Variants in FAF1 observed in about 807,000 individuals in gnomAD.
The protein encoded by FAF1 is Fas associated factor 1, also known as FAS-associated factor 1.
Under a neutral mutation model 92.5 loss-of-function variants are expected in FAF1, and 25 were observed. The ratio of observed to expected loss-of-function variants is 0.27; its 90% CI spans 0.20 to 0.38. FAF1 has a LOEUF of 0.38. Ranked by LOEUF, FAF1 falls within the 10% of genes least tolerant of loss-of-function variation. FAF1 has a pLI of 1.00. For synonymous variants in FAF1, 234 were observed against 273.2 expected (o/e 0.86, Z 1.42); for missense variants, 636 against 793.3 (o/e 0.80, Z 2.38).
At chr1:50,779,999 C>G (rs1385409778) in intron 4 of FAF1, among the ~76,000 whole-genome samples, 1 of 150,300 alleles carries the variant, frequency 6.7e-6, no homozygotes, top group Admixed American at 6.6e-5. Flanking sequence ...CAGACACACA[C>G]ACACACACAC....
chr1:50,537,785 T>C (rs1648562205), intron 14 of FAF1, among the ~76,000 whole-genome samples: 5 of 152,168 alleles, frequency 3.3e-5, no homozygotes. Flanking sequence ...AGTTACAATA[T>C]ATTGTACTGG....
intron 18 of FAF1, among the ~76,000 whole-genome samples, chr1:50,448,650 G>A (rs936340496): frequency 2.6e-5 from 4 of 152,112 alleles, no homozygotes; most frequent in Non-Finnish European, 5.9e-5. Context: ...GGACTGAGTG[G>A]GCAAGTCTGT....
chr1:50,649,564 A>G (rs545447609), intron 8 of FAF1, among the ~76,000 whole-genome samples: 4 of 152,190 alleles, frequency 2.6e-5, no homozygotes, highest in Non-Finnish European at 5.9e-5. Flanking sequence ...ACGCCCAAAG[A>G]GCTTTGATTC....
intron 9 of FAF1, among the ~76,000 whole-genome samples, chr1:50,587,557 G>A (rs1006433731): frequency 9.9e-5 from 15 of 151,422 alleles, no homozygotes; most frequent in Non-Finnish European, 1.9e-4. Flanking sequence ...ATAATCTCTC[G>A]GTATCTGTCA....
chr1:50,750,877 C>G (rs1659835740), intron 4 of FAF1, among the ~76,000 whole-genome samples: 1 of 151,576 alleles, frequency 6.6e-6, no homozygotes, highest in Admixed American at 6.6e-5. Flanking sequence ...CCTGCCTTGG[C>G]CTCTCAAAAT....
intron 8 of FAF1, among the ~76,000 whole-genome samples, chr1:50,651,426 T>C (rs1172982660): frequency 2.6e-5 from 4 of 152,178 alleles, no homozygotes; most frequent in African/African-American, 4.8e-5. Context: ...CCCAAATCCA[T>C]TAATTTCTTG....
chr1:50,842,699 C>T (rs1166619545), intron 2 of FAF1, among the ~76,000 whole-genome samples: 2 of 152,070 alleles, frequency 1.3e-5, no homozygotes, highest in Non-Finnish European at 2.9e-5. Flanking sequence ...GCTGGCTCCT[C>T]GTTCTCACAT....
chr1:50,472,724 A>G (rs913463270), intron 18 of FAF1, among the ~76,000 whole-genome samples: 7 of 152,142 alleles, frequency 4.6e-5, no homozygotes, highest in Admixed American at 2.6e-4. Context: ...GTTAAGGCTT[A>G]TATTATTTGT....
Position 50,711,748 on chromosome 1 carries a change from A to G in FAF1, c.552-5857T>C, listed in dbSNP as rs536964005. ...CCAAAGTGCTGGGATTATAGGCATAAGCCACCACACCCGGCCTGTTCTTTT... is the reference window on the plus strand; with the variant it reads ...CCAAAGTGCTGGGATTATAGGCATAGGCCACCACACCCGGCCTGTTCTTTT... On this transcript the variant is annotated intron_variant, in intron 6 of 18. Transcript: ENST00000396153. 2.6e-5 allele frequency among the ~76,000 whole-genome samples: 4 copies of G among 152,280 alleles called. No homozygotes were observed. The South Asian group carries it at 8.3e-4, about 32-fold the overall frequency.
At chr1:50,552,297 C>CAA (rs766349774) in intron 13 of FAF1, among the ~76,000 whole-genome samples, 202 of 84,902 alleles carry the variant, frequency 2.4e-3, no homozygotes, top group South Asian at 7.9e-3. Flanking sequence ...ACTCTGTTTC[C>CAA]AAAAAAAAAA....
chr1:50,495,363 T>C (rs1451675930), intron 15 of FAF1, among the ~76,000 whole-genome samples: 3 of 152,212 alleles, frequency 2.0e-5, no homozygotes, highest in African/African-American at 7.2e-5. Flanking sequence ...ACATGTGACG[T>C]TTGTAGTTCT....
chr1:50,758,027 C>T lies in FAF1; in HGVS notation c.368-13252G>A, dbSNP rs887454592. Among the ~76,000 whole-genome samples the T allele has an allele frequency of 3.9e-5, 6 of 152,246 alleles. No individual in the cohort carries two copies. The South Asian group carries it at 6.2e-4, about 16-fold the overall frequency. On this transcript the variant is annotated intron_variant, in intron 4 of 18. Transcript: ENST00000396153. ...CTGCCTCTGACATTCAACTGATTCT[C>T]GTGCCTCAGCCTCCCGAGTAGCTGA...
intron 18 of FAF1, chr1:50,471,005 A>G (rs1383798110): frequency 6.6e-6 from 1 of 152,256 alleles, no homozygotes; most frequent in African/African-American, 2.4e-5. Context: ...TGTTTTTACT[A>G]TAACGTGAAC....
chr1:50,861,875 A>G (rs1159307154), intron 1 of FAF1, among the ~76,000 whole-genome samples: 2 of 151,808 alleles, frequency 1.3e-5, no homozygotes, highest in East Asian at 3.9e-4. Flanking sequence ...TCTGCAAGTG[A>G]GAAAGAGAGC....
At chr1:50,475,709 T>C in intron 17 of FAF1, 30 bp from the exon 18 acceptor site, 1 of 1,509,950 alleles carries the variant, frequency 6.6e-7, no homozygotes, top group Admixed American at 1.8e-5. Flanking sequence ...GGTGTTAAAA[T>C]GTGAGAAGGA....
At chr1:50,845,166 T>TAA (rs527421052) in intron 2 of FAF1, among the ~76,000 whole-genome samples, 5 of 152,262 alleles carry the variant, frequency 3.3e-5, no homozygotes, top group African/African-American at 1.2e-4. Flanking sequence ...TCCTTTAAAG[T>TAA]AAGCATGATA....
chr1:50,674,113 G>T (rs1467400386), intron 7 of FAF1, among the ~76,000 whole-genome samples: 2 of 152,130 alleles, frequency 1.3e-5, no homozygotes, highest in African/African-American at 4.8e-5. Context: ...ACCACACCCA[G>T]CTAATTTTTC....
chr1:50,553,177 AAATCTTT>A (rs1029049823), intron 13 of FAF1, among the ~76,000 whole-genome samples: 4 of 152,214 alleles, frequency 2.6e-5, no homozygotes, highest in Admixed American at 6.5e-5. Flanking sequence ...GGAGATAAAA[AAATCTTT>A]AAGACCAGTG....
At chr1:50,874,754 CTTTCT>C (rs1202669680) in intron 1 of FAF1, among the ~76,000 whole-genome samples, 41 of 100,802 alleles carry the variant, frequency 4.1e-4, no homozygotes, top group African/African-American at 1.5e-3. Flanking sequence ...ATTTTCTTTT[CTTTCT>C]TTTTTTTTTT....
Sources: allele counts gnomAD v4.1 joint callset (sites outside exome capture counted in the v4.1 genomes callset), GRCh38; gene constraint gnomAD v4.1.1; transcripts MANE v1.5; gene names NCBI Gene and HGNC (gene_info 2026-07-23, HGNC 2026-07-21).